The following DIS3L2 variants were observed in gnomAD, a reference collection of about 807,000 sequenced individuals.
DIS3L2 encodes the protein DIS3-like exonuclease 2.
DIS3L2 carries 34 observed loss-of-function variants against 97.5 expected under a neutral mutation model. The observed-to-expected ratio is 0.35, with a 90% CI of 0.27 to 0.46. The LOEUF (loss-of-function observed/expected upper bound fraction) is 0.46, where lower values mean the gene tolerates loss of function less well. DIS3L2 is among the 20% of genes least tolerant of loss of function. DIS3L2 has a pLI of 1.00. For missense variants in DIS3L2, 1,038 were observed against 1,146.0 expected (o/e 0.91, Z 1.36); for synonymous variants, 435 against 445.2 (o/e 0.98, Z 0.29).
intron 19 of DIS3L2, chr2:232,335,202 C>T (rs1301455994): frequency 3.9e-5 from 7 of 179,832 alleles, no homozygotes; most frequent in African/African-American, 1.7e-4. Flanking sequence ...GGGCTTGGCT[C>T]CAGCTGGCCC....
chr2:232,256,160 A>G (rs1693556672), intron 12 of DIS3L2, among the ~76,000 whole-genome samples: 1 of 152,150 alleles, frequency 6.6e-6, no homozygotes, highest in Non-Finnish European at 1.5e-5. Context: ...CCCCCTTACA[A>G]TGGTAACTTT....
At chr2:232,130,575 A>C (rs757853425) in intron 6 of DIS3L2, 44 bp from the exon 7 acceptor site, 1 of 1,581,304 alleles carries the variant, frequency 6.3e-7, no homozygotes, top group African/African-American at 1.4e-5. Flanking sequence ...ATTGATATGC[A>C]TCTGGTTGAT....
At chr2:232,008,288 A>C (rs1208687909) in intron 1 of DIS3L2, among the ~76,000 whole-genome samples, 1 of 151,722 alleles carries the variant, frequency 6.6e-6, no homozygotes, top group Non-Finnish European at 1.5e-5. Flanking sequence ...TTGGCCTCTG[A>C]AAGTGCTGGG....
chr2:232,335,042 A>C (rs1348070276), intron 19 of DIS3L2: 3 of 332,358 alleles, frequency 9.0e-6, no homozygotes, highest in Non-Finnish European at 1.7e-5. Context: ...AAGGAATGAA[A>C]GGCCAGCGAA....
At chr2:232,215,581 G>A (rs1278639200) in intron 10 of DIS3L2, among the ~76,000 whole-genome samples, 1 of 152,178 alleles carries the variant, frequency 6.6e-6, no homozygotes, top group Non-Finnish European at 1.5e-5. Context: ...AGGGAATAGA[G>A]TGAGAGTCTA....
At chr2:232,119,604 G>T (rs1289069736) in intron 6 of DIS3L2, among the ~76,000 whole-genome samples, 1 of 152,224 alleles carries the variant, frequency 6.6e-6, no homozygotes, top group African/African-American at 2.4e-5. Flanking sequence ...AAATTTAAAA[G>T]TGGTTTCTCC....
chr2:232,279,703 A>G (rs1246487875), intron 13 of DIS3L2, among the ~76,000 whole-genome samples: 1 of 151,790 alleles, frequency 6.6e-6, no homozygotes, highest in African/African-American at 2.4e-5. Context: ...TAATTATTTT[A>G]TATTTTTAGT....
intron 14 of DIS3L2, among the ~76,000 whole-genome samples, chr2:232,304,755 TTG>T (rs1331412821): frequency 1.3e-5 from 2 of 152,170 alleles, no homozygotes; most frequent in African/African-American, 4.8e-5. Context: ...GACCTTATTT[TTG>T]TCTTTGGCAT....
chr2:232,145,430 A>T (rs1208492523), intron 8 of DIS3L2, among the ~76,000 whole-genome samples: 1 of 152,268 alleles, frequency 6.6e-6, no homozygotes, highest in East Asian at 1.9e-4. Context: ...TGGCTCTTCT[A>T]TGTAGATAAT....
intron 1 of DIS3L2, among the ~76,000 whole-genome samples, chr2:231,969,347 A>G (rs1184149468): frequency 2.7e-5 from 3 of 110,500 alleles, no homozygotes; most frequent in South Asian, 2.6e-4. Context: ...GTCTCGTTCT[A>G]TTGCCCAGGT....
At chr2:232,003,633 C>G (rs1474092782) in intron 1 of DIS3L2, among the ~76,000 whole-genome samples, 1 of 152,070 alleles carries the variant, frequency 6.6e-6, no homozygotes, top group Non-Finnish European at 1.5e-5. Flanking sequence ...TAGTACAGTG[C>G]TGCTGGTGAT....
At chr2:232,215,697 T>TTTGGAGGCAGTGAGGAAG (rs1258578527) in intron 10 of DIS3L2, among the ~76,000 whole-genome samples, 1 of 152,184 alleles carries the variant, frequency 6.6e-6, no homozygotes, top group Non-Finnish European at 1.5e-5. Flanking sequence ...ACTGATCACC[T>TTTGGAGGCAGTGAGGAAG]TTGGAGGCAG....
chr2:232,001,985 T>G (rs865984199), intron 1 of DIS3L2, among the ~76,000 whole-genome samples: 5 of 152,282 alleles, frequency 3.3e-5, no homozygotes, highest in African/African-American at 1.2e-4. Flanking sequence ...CCTCCCAAAG[T>G]GCTGGGATTA....
intron 6 of DIS3L2, among the ~76,000 whole-genome samples, chr2:232,104,127 A>G (rs1232396008): frequency 6.6e-6 from 1 of 152,154 alleles, no homozygotes; most frequent in Non-Finnish European, 1.5e-5. Context: ...TCTTTTAGAT[A>G]TGGTAAATGT....
At chr2:232,335,423 C>G (rs1445478225) in intron 19 of DIS3L2, 2 of 286,864 alleles carry the variant, frequency 7.0e-6, no homozygotes, top group African/African-American at 2.2e-5. Context: ...TGCTGTGGGC[C>G]CAGCCCTGCC....
chr2:232,081,279 C>G (rs1025514399), intron 5 of DIS3L2, among the ~76,000 whole-genome samples: 4 of 152,134 alleles, frequency 2.6e-5, no homozygotes, highest in Admixed American at 2.6e-4. Flanking sequence ...TATTGCCTCT[C>G]TGGTCCATCC....
chr2:232,134,119 G>GAC (rs148719879), intron 7 of DIS3L2, among the ~76,000 whole-genome samples: 2,614 of 152,162 alleles, frequency 0.017, 27 homozygotes, highest in Non-Finnish European at 0.021. Flanking sequence ...TGAACTTGAG[G>GAC]AGATCAGTAG....
chr2:232,282,454 C>T (rs1215713769), intron 13 of DIS3L2, among the ~76,000 whole-genome samples: 1 of 152,190 alleles, frequency 6.6e-6, no homozygotes, highest in Non-Finnish European at 1.5e-5. Context: ...GCATATTGCT[C>T]AGATATAGCC....
At chr2:232,126,133 T>G (rs1388517719) in intron 6 of DIS3L2, among the ~76,000 whole-genome samples, 3 of 152,194 alleles carry the variant, frequency 2.0e-5, no homozygotes, top group Non-Finnish European at 2.9e-5. Context: ...AGATCTCTGC[T>G]ACCATTGTCT....
Sources: gnomAD v4.1 joint callset for allele counts (sites outside exome capture counted in the v4.1 genomes callset) on GRCh38, gnomAD v4.1.1 for gene constraint, MANE v1.5 for transcripts, NCBI Gene and HGNC (gene_info 2026-07-23, HGNC 2026-07-21) for gene names.